Variants in PSME4 observed in about 807,000 individuals in gnomAD.
The protein encoded by PSME4 is proteasome activator complex subunit 4.
A neutral mutation model predicts 253.9 loss-of-function variants in PSME4; 89 were observed. That is an observed-to-expected ratio of 0.35 (90% CI 0.30 to 0.42). PSME4 has a LOEUF of 0.42. PSME4 is among the 10% of genes least tolerant of loss of function. The probability of loss-of-function intolerance (pLI) is 1.00; values close to 1 mark genes in which losing one functional copy is unlikely to be tolerated. For synonymous variants in PSME4, 851 were observed against 759.2 expected (o/e 1.12, Z -1.99); for missense variants, 2,014 against 2,195.2 (o/e 0.92, Z 1.65).
chr2:53,940,962 T>TATATATACATATTTAA (rs1558413863), intron 3 of PSME4, among the ~76,000 whole-genome samples: 2 of 51,674 alleles, frequency 3.9e-5, no homozygotes, highest in African/African-American at 1.7e-4. Context: ...CATATATATA[T>TATATATACATATTTAA]ATATATATAT....
At chr2:53,966,048 C>T (rs1023078514) in intron 1 of PSME4, among the ~76,000 whole-genome samples, 7 of 152,066 alleles carry the variant, frequency 4.6e-5, no homozygotes, top group East Asian at 1.9e-4. Flanking sequence ...CTTGGGAGGC[C>T]GAGATCTTGG....
intron 3 of PSME4, among the ~76,000 whole-genome samples, chr2:53,945,511 A>G (rs1325961835): frequency 6.6e-6 from 1 of 152,146 alleles, no homozygotes; most frequent in African/African-American, 2.4e-5. Flanking sequence ...GAAGGAAGAG[A>G]AGAAAAGAGG....
intron 1 of PSME4, among the ~76,000 whole-genome samples, chr2:53,958,022 C>G (rs1317303577): frequency 6.6e-6 from 1 of 152,032 alleles, no homozygotes; most frequent in Admixed American, 6.6e-5. Context: ...CCTGTCTCTA[C>G]TAAAAATACA....
At position 53,970,939 on chromosome 2, in the gene PSME4, G is replaced by T; in HGVS notation, c.-155C>A. On this transcript the variant is annotated 5_prime_UTR_variant, in exon 1 of 47. Coordinates refer to ENST00000404125, the MANE Select transcript of PSME4 (RefSeq NM_014614.3). Reference sequence around the variant, plus strand: ...CGCTAGGCCCCCTTCCCTGGCCGGCGTGCTGCTGGGCCCCACGCGGCTCTC... The same window carrying T: ...CGCTAGGCCCCCTTCCCTGGCCGGCTTGCTGCTGGGCCCCACGCGGCTCTC... 1 of 584,704 alleles carries T rather than the reference G, an allele frequency of 1.7e-6. No homozygotes were observed. The highest frequency in any genetic ancestry group is 2.9e-5 in the South Asian group (1 of 35,024). 36.2% of individuals were successfully genotyped at this position (584,704 alleles called of 1,614,324 possible).
At chr2:53,967,649 C>CAAAAAAAAAAAAAAAAAAAAAAA (rs71408747) in intron 1 of PSME4, among the ~76,000 whole-genome samples, 1 of 21,566 alleles carries the variant, frequency 4.6e-5, no homozygotes, top group Non-Finnish European at 8.1e-5. Context: ...GAGATTGTCT[C>CAAAAAAAAAAAAAAAAAAAAAAA]AAAAAAAAAA....
intron 37 of PSME4, among the ~76,000 whole-genome samples, chr2:53,889,859 G>A (rs1679822727): frequency 6.6e-6 from 1 of 152,136 alleles, no homozygotes; most frequent in South Asian, 2.1e-4. Context: ...TATTTGAAAG[G>A]CTGAATAGAG....
chr2:53,904,702 T>C (rs955793711), intron 26 of PSME4, among the ~76,000 whole-genome samples: 2 of 152,114 alleles, frequency 1.3e-5, no homozygotes, highest in African/African-American at 2.4e-5. Context: ...TAACTGGTTA[T>C]AGTAGGATGG....
intron 20 of PSME4, among the ~76,000 whole-genome samples, chr2:53,912,315 A>C (rs1489530615): frequency 6.6e-6 from 1 of 152,222 alleles, no homozygotes; most frequent in Non-Finnish European, 1.5e-5. Flanking sequence ...CACCAAGGGA[A>C]GACTATATAT....
chr2:53,967,561 G>C lies in PSME4; in HGVS notation c.242+2982C>G, dbSNP rs569469906. Among the ~76,000 whole-genome samples, 39 of 144,020 alleles carry C rather than the reference G, an allele frequency of 2.7e-4. No individual in the cohort carries two copies. The South Asian group carries it at 8.4e-3, about 31-fold the overall frequency. 94.5% of individuals were successfully genotyped at this position (144,020 alleles called of 152,430 possible). A position where few individuals can be genotyped will look rare whatever the true frequency, so the allele number is the denominator to read the frequency against. Reference sequence around the variant, plus strand: ...GGAGGCTGAGGCAGGAGAATCGTTTGAACCAGGGAGGTGGAGGTGGAGGTT... The same window carrying C: ...GGAGGCTGAGGCAGGAGAATCGTTTCAACCAGGGAGGTGGAGGTGGAGGTT... On this transcript the variant is annotated intron_variant, in intron 1 of 46. Transcript: ENST00000404125.
chr2:53,931,909 A>T lies in PSME4; in HGVS notation c.1242T>A (p.Ser414Arg). 1.9e-6 allele frequency: 3 copies of T among 1,614,200 alleles called. No individual in the cohort carries two copies. The highest frequency in any genetic ancestry group is 2.5e-6 in the Non-Finnish European group (3 of 1,180,022). Residue 414 changes from serine to arginine, a missense_variant, in exon 10 of 47, where the codon AGT becomes AGA. Ser to Arg is a moderately radical substitution (Grantham distance 110, BLOSUM62 -1). Coordinates refer to ENST00000404125, the MANE Select transcript of PSME4 (RefSeq NM_014614.3). ...VLLAMFSKTG[S>R]LEAAQALQNL... ...TCTGCAAAGCCTGGGCTGCTTCTAG[A>T]CTACCGGTTTTGCTAAACATAGCCA...
intron 43 of PSME4, among the ~76,000 whole-genome samples, chr2:53,872,741 CAAAAA>C (rs61308177): frequency 6.2e-5 from 3 of 48,008 alleles, no homozygotes; most frequent in African/African-American, 1.6e-4. Context: ...GACTTGGTCT[CAAAAA>C]AAAAAAAAAA....
Position 53,970,769 on chromosome 2 carries a change from G to C in PSME4, c.16C>G (p.Arg6Gly), listed in dbSNP as rs925995402. The C allele has an allele frequency of 1.3e-5, 20 of 1,541,402 alleles. No homozygotes were observed. Among genetic ancestry groups the C allele is most frequent in the Non-Finnish European group, 1.5e-5 (17 of 1,144,100 alleles). The change falls in exon 1 of 47, where the codon CGG (arginine) becomes GGG (glycine). Residue 6 changes from arginine to glycine, a missense_variant. Physicochemically the swap from Arg to Gly is moderately radical, Grantham distance 125. Transcript: ENST00000404125. MEPAE[R>G]AGVGEPPEPG... Reference sequence around the variant, plus strand: ...TCCGGGGGCTCTCCGACTCCCGCCCGCTCGGCCGGCTCCATGAGCCCAGGG... The same window carrying C: ...TCCGGGGGCTCTCCGACTCCCGCCCCCTCGGCCGGCTCCATGAGCCCAGGG...
rs1158452002 is a variant in PSME4 at position 53,970,748 on chromosome 2, G to T, written c.37C>A (p.Pro13Thr). ...PAERAGVGEP[P>T]EPGGRPEPGP... is the part of the protein sequence containing the mutation. ...GGCTCGGGACGCCCGCCCGGCTCCGGGGGCTCTCCGACTCCCGCCCGCTCG... is the reference window on the plus strand; with the variant it reads ...GGCTCGGGACGCCCGCCCGGCTCCGTGGGCTCTCCGACTCCCGCCCGCTCG... The change falls in exon 1 of 47, where the codon CCG becomes ACG. Residue 13 changes from proline to threonine, a missense_variant. Physicochemically the swap from Pro to Thr is conservative, Grantham distance 38. Around this residue, in one of 4 missense-constraint regions of PSME4, gnomAD observed 615 missense variants for 594.4 expected, o/e 1.03. Transcript: ENST00000404125. 10 of 1,545,182 alleles carry T rather than the reference G, an allele frequency of 6.5e-6. No individual in the cohort carries two copies. The East Asian group carries it at 2.0e-4, about 30-fold the overall frequency.
At chr2:53,913,458 C>A (rs183933209) in intron 20 of PSME4, among the ~76,000 whole-genome samples, 3 of 152,158 alleles carry the variant, frequency 2.0e-5, no homozygotes, top group Admixed American at 1.3e-4. Context: ...TGTCATGAAA[C>A]AGCTGTAAAC....
chr2:53,926,382 C>T (rs959878185), intron 12 of PSME4, among the ~76,000 whole-genome samples: 6 of 149,874 alleles, frequency 4.0e-5, no homozygotes, highest in Admixed American at 2.0e-4. Flanking sequence ...CGCGACTGGG[C>T]ACGGTAGCTA....
Position 53,901,434 on chromosome 2 carries a change from C to T in PSME4, c.3201G>A (p.Leu1067=), listed in dbSNP as rs139210866. ...ACAATCTCACTATTGATGGCTTTTC[C>T]AGGGACATTGCTTGGCTAAGCCCTG... ...VSSGLSQAMS[L]EKPSIVRLFD... Residue 1067 remains leucine (L), a synonymous_variant, in exon 28 of 47, where the codon CTG becomes CTA. Coordinates refer to ENST00000404125, the MANE Select transcript of PSME4 (RefSeq NM_014614.3). 3.5e-5 allele frequency: 56 copies of T among 1,614,048 alleles called. No homozygotes were observed. The African/African-American group carries it at 5.1e-4, about 15-fold the overall frequency.
intron 41 of PSME4, among the ~76,000 whole-genome samples, 157 bp from the exon 42 acceptor site, chr2:53,875,912 A>G (rs1408614770): frequency 6.6e-6 from 1 of 152,210 alleles, no homozygotes; most frequent in East Asian, 1.9e-4. Context: ...CCCATGAGCC[A>G]ATCACCTCTT....
At chr2:53,959,241 T>C (rs1180778457) in intron 1 of PSME4, among the ~76,000 whole-genome samples, 1 of 152,180 alleles carries the variant, frequency 6.6e-6, no homozygotes, top group African/African-American at 2.4e-5. Context: ...GGTGTGCACC[T>C]GTAGTCCCAG....
chr2:53,928,064 G>C (rs1275934305), intron 11 of PSME4, 53 bp downstream of exon 11: 1 of 1,436,948 alleles, frequency 7.0e-7, no homozygotes, highest in Non-Finnish European at 9.5e-7. Context: ...TCACTGAGAA[G>C]TTTACTTTGC....
Sources: allele counts gnomAD v4.1 joint callset (sites outside exome capture counted in the v4.1 genomes callset), GRCh38; gene constraint gnomAD v4.1.1; regional missense constraint gnomAD v4.1.1; transcripts MANE v1.5; gene names NCBI Gene and HGNC (gene_info 2026-07-23, HGNC 2026-07-21).